Variants in ADGRB3 observed in about 807,000 individuals in gnomAD.
The protein encoded by ADGRB3 is brain-specific angiogenesis inhibitor 3.
Under a neutral mutation model 193.4 loss-of-function variants are expected in ADGRB3, and 37 were observed. The observed-to-expected ratio is 0.19, with a 90% confidence interval of 0.15 to 0.25. The LOEUF is 0.25. Among genes scored for constraint, ADGRB3 ranks in the 10% least tolerant of loss-of-function variants. ADGRB3 has a pLI of 1.00. For synonymous variants in ADGRB3, 690 were observed against 644.2 expected (o/e 1.07, Z -1.08); for missense variants, 1,637 against 1,852.9 (o/e 0.88, Z 2.14).
At chr6:69,336,083 G>A (rs1768839824) in intron 24 of ADGRB3, among the ~76,000 whole-genome samples, 1 of 151,634 alleles carries the variant, frequency 6.6e-6, no homozygotes, top group African/African-American at 2.4e-5. Context: ...TTCAGGAGTA[G>A]AAGTACAGGC....
At chr6:69,281,858 A>C (rs962036923) in intron 20 of ADGRB3, among the ~76,000 whole-genome samples, 1 of 152,248 alleles carries the variant, frequency 6.6e-6, no homozygotes, top group African/African-American at 2.4e-5. Context: ...ACAGTATATC[A>C]TAACACTGGA....
chr6:69,022,231 T>C lies in ADGRB3; in HGVS notation c.2107+3732T>C, dbSNP rs565342710. Among the ~76,000 whole-genome samples the C allele has an allele frequency of 5.3e-5, 8 of 151,948 alleles. No individual in the cohort carries two copies. The South Asian group carries it at 8.3e-4, about 16-fold the overall frequency. ...ATATGCCTCTTTTTAAAAAAAATTA[T>C]ATTTGAAATGTTTTAACTATCTGCA... On this transcript the variant is annotated intron_variant, in intron 13 of 31. Transcript: ENST00000370598.
chr6:69,137,722 G>A lies in ADGRB3; in HGVS notation c.2480+61684G>A, dbSNP rs150495261. Among the ~76,000 whole-genome samples the A allele has an allele frequency of 6.5e-3, 985 of 152,192 alleles. 5 individuals carry two copies. Among genetic ancestry groups the A allele is most frequent in the Middle Eastern group, 0.024 (7 of 294 alleles). On this transcript the variant is annotated intron_variant, in intron 17 of 31. Transcript: ENST00000370598. ...TGAGGTAGGAGAATCACTTGAACCC[G>A]GGAAGCTGAGGATGCAGTGGGCCAA...
chr6:69,027,003 C>G (rs542296801), intron 13 of ADGRB3, among the ~76,000 whole-genome samples: 1 of 152,152 alleles, frequency 6.6e-6, no homozygotes, highest in Non-Finnish European at 1.5e-5. Context: ...ATAAGCTACA[C>G]TAAATTTATT....
Position 68,638,622 on chromosome 6 carries a change from A to G in ADGRB3, c.-15-39A>G, listed in dbSNP as rs1398653190. ...GAGTTTATTTTCTCAATGCACGTAGACTCCTACTTGCATTTTACTTTCATT... is the reference window on the plus strand; with the variant it reads ...GAGTTTATTTTCTCAATGCACGTAGGCTCCTACTTGCATTTTACTTTCATT... On this transcript the variant is annotated intron_variant, in intron 2 of 31. Coordinates refer to ENST00000370598, the MANE Select transcript of ADGRB3 (RefSeq NM_001704.3). The G allele has an allele frequency of 3.9e-6, 6 of 1,521,044 alleles. No individual in the cohort carries two copies. In the African/African-American group the frequency reaches 4.2e-5, roughly 11 times the overall value. 94.2% of individuals were successfully genotyped at this position (1,521,044 alleles called of 1,614,324 possible). A position where few individuals can be genotyped will look rare whatever the true frequency, so the allele number is the denominator to read the frequency against.
chr6:68,751,758 A>G (rs980896700), intron 3 of ADGRB3, among the ~76,000 whole-genome samples: 1 of 152,156 alleles, frequency 6.6e-6, no homozygotes, highest in African/African-American at 2.4e-5. Context: ...GTGCTAAAAA[A>G]ATCCTGTTTC....
intron 17 of ADGRB3, among the ~76,000 whole-genome samples, chr6:69,160,924 T>C (rs1449376572): frequency 6.6e-6 from 1 of 152,118 alleles, no homozygotes; most frequent in Non-Finnish European, 1.5e-5. Context: ...GGAGGCAATG[T>C]TCTGGGAGGC....
chr6:69,261,273 T>C (rs1766921849), intron 20 of ADGRB3, among the ~76,000 whole-genome samples: 1 of 152,152 alleles, frequency 6.6e-6, no homozygotes, highest in African/African-American at 2.4e-5. Context: ...TTAGAACTGA[T>C]AGAATTTCAG....
chr6:68,691,217 T>G (rs1052600444), intron 3 of ADGRB3, among the ~76,000 whole-genome samples: 4 of 152,106 alleles, frequency 2.6e-5, no homozygotes, highest in African/African-American at 9.7e-5. Context: ...TACATGACTT[T>G]TTTTCTTAAT....
chr6:69,144,480 A>G (rs994239331), intron 17 of ADGRB3, among the ~76,000 whole-genome samples: 1 of 152,150 alleles, frequency 6.6e-6, no homozygotes, highest in Non-Finnish European at 1.5e-5. Context: ...CATCCTTGAC[A>G]TATTCCAGAT....
chr6:69,315,008 TTCTC>T (rs1201412800), intron 20 of ADGRB3, among the ~76,000 whole-genome samples: 1 of 151,502 alleles, frequency 6.6e-6, no homozygotes, highest in African/African-American at 2.4e-5. Flanking sequence ...AATGGTGCAT[TTCTC>T]TGTTTTAGTT....
chr6:69,132,204 T>C (rs1273713975), intron 17 of ADGRB3, among the ~76,000 whole-genome samples: 7 of 152,194 alleles, frequency 4.6e-5, no homozygotes, highest in Admixed American at 3.9e-4. Context: ...ATCGCCACAC[T>C]GTCCTCCATA....
At position 69,382,847 on chromosome 6, in the gene ADGRB3, G is replaced by T; in HGVS notation, c.4292G>T (p.Arg1431Met). ...TTTTTGCAGAAGGTCATGCATACAAGGAAGAGGCATATGGAACTATTTCAA... is the reference window on the plus strand; with the variant it reads ...TTTTTGCAGAAGGTCATGCATACAATGAAGAGGCATATGGAACTATTTCAA... ...DLDFEKVMHTRKRHMELFQEL... is the reference protein window; with the variant it reads ...DLDFEKVMHTMKRHMELFQEL... The change falls in exon 31 of 32, where the codon AGG becomes ATG. Residue 1431 changes from arginine (R) to methionine (M), a missense_variant. Physicochemically the swap from Arg to Met is moderately conservative, Grantham distance 91. Coordinates refer to ENST00000370598, the MANE Select transcript of ADGRB3 (RefSeq NM_001704.3). 1 of 1,606,872 alleles carries T rather than the reference G, an allele frequency of 6.2e-7. No individual in the cohort carries two copies. Among genetic ancestry groups the T allele is most frequent in the East Asian group, 2.3e-5 (1 of 44,366 alleles).
intron 17 of ADGRB3, among the ~76,000 whole-genome samples, chr6:69,147,531 T>A (rs1774538749): frequency 6.6e-6 from 1 of 152,218 alleles, no homozygotes; most frequent in Non-Finnish European, 1.5e-5. Context: ...TAATTTTTTT[T>A]AATGTTCCAA....
At chr6:69,345,955 C>T (rs1331704201) in intron 26 of ADGRB3, among the ~76,000 whole-genome samples, 1 of 152,108 alleles carries the variant, frequency 6.6e-6, no homozygotes, top group Non-Finnish European at 1.5e-5. Context: ...TTCCTATACA[C>T]CAATAATAGA....
chr6:69,343,111 A>G (rs1299303611), intron 26 of ADGRB3, among the ~76,000 whole-genome samples: 1 of 150,878 alleles, frequency 6.6e-6, no homozygotes, highest in African/African-American at 2.4e-5. Context: ...GATATTTTTA[A>G]TGTGTTGTGT....
At chr6:69,333,737 C>T (rs1484432363) in intron 24 of ADGRB3, among the ~76,000 whole-genome samples, 1 of 150,464 alleles carries the variant, frequency 6.6e-6, no homozygotes, top group Non-Finnish European at 1.5e-5. Flanking sequence ...ATCACGAGAT[C>T]GAGACCACAG....
intron 12 of ADGRB3, among the ~76,000 whole-genome samples, chr6:69,015,051 A>T (rs2150285724): frequency 1.3e-5 from 2 of 151,860 alleles, no homozygotes; most frequent in South Asian, 4.2e-4. Flanking sequence ...CTTTAAATCT[A>T]TTTTTTTCTA....
intron 3 of ADGRB3, among the ~76,000 whole-genome samples, chr6:68,737,267 G>T (rs1007970602): frequency 6.6e-6 from 1 of 152,002 alleles, no homozygotes; most frequent in Non-Finnish European, 1.5e-5. Context: ...ATCCTTCATA[G>T]CACTGAGTAT....
Sources: allele counts gnomAD v4.1 joint callset (sites outside exome capture counted in the v4.1 genomes callset), GRCh38; gene constraint gnomAD v4.1.1; transcripts MANE v1.5; gene names NCBI Gene and HGNC (gene_info 2026-07-23, HGNC 2026-07-21).